The following SORCS3 variants were observed in gnomAD, a reference collection of about 807,000 sequenced individuals.
SORCS3 encodes sortilin related VPS10 domain containing receptor 3.
In SORCS3, 57 loss-of-function variants were observed where a neutral mutation model predicts 146.3. The observed-to-expected ratio is 0.39, with a 90% CI of 0.31 to 0.49. The LOEUF is 0.49. Ranked by LOEUF, SORCS3 falls within the 20% of genes least tolerant of loss-of-function variation. SORCS3 has a pLI of 0.92. For missense variants in SORCS3, 1,341 were observed against 1,575.5 expected, an observed-to-expected ratio of 0.85 and a Z score of 2.52; for synonymous variants, 653 against 618.5, an observed-to-expected ratio of 1.06 and a Z score of -0.83.
chr10:104,836,146 G>A (rs750778465), intron 1 of SORCS3, among the ~76,000 whole-genome samples: 58 of 152,200 alleles, frequency 3.8e-4, no homozygotes, highest in Non-Finnish European at 7.4e-4. Flanking sequence ...TAGGATTTTT[G>A]GGTGGAATAG....
At chr10:105,096,219 T>G (rs2055745929) in intron 6 of SORCS3, among the ~76,000 whole-genome samples, 1 of 152,166 alleles carries the variant, frequency 6.6e-6, no homozygotes, top group Non-Finnish European at 1.5e-5. Flanking sequence ...GGAAAGGTCC[T>G]GGGCATTGGC....
Position 104,698,732 on chromosome 10 carries a change from C to G in SORCS3, c.627+56778C>G, listed in dbSNP as rs148172499. On this transcript the variant is annotated intron_variant, in intron 1 of 26. Coordinates refer to ENST00000369701, the MANE Select transcript of SORCS3 (RefSeq NM_014978.3). ...AACTTTGCAAAAGAATTGTCCCTAC[C>G]CTGAGAGGCTGGCATTGTAGTTGGG... Among the ~76,000 whole-genome samples, 1,479 of 152,186 alleles carry G rather than the reference C, an allele frequency of 9.7e-3. 26 individuals are homozygous for G. Among genetic ancestry groups the G allele is most frequent in the African/African-American group, 0.034 (1,392 of 41,524 alleles).
intron 4 of SORCS3, among the ~76,000 whole-genome samples, chr10:105,018,902 T>C (rs943487374): frequency 2.6e-5 from 4 of 152,106 alleles, no homozygotes; most frequent in Admixed American, 2.6e-4. Context: ...TCCAATCTGA[T>C]TTTTTTTCCT....
intron 4 of SORCS3, among the ~76,000 whole-genome samples, chr10:104,987,073 A>G (rs1589580586): frequency 1.3e-5 from 2 of 152,168 alleles, no homozygotes; most frequent in African/African-American, 4.8e-5. Context: ...TACGCATTAC[A>G]TATTACATAT....
At chr10:104,663,262 G>C (rs528035447) in intron 1 of SORCS3, among the ~76,000 whole-genome samples, 1 of 152,146 alleles carries the variant, frequency 6.6e-6, no homozygotes, top group Non-Finnish European at 1.5e-5. Context: ...CACAAACTCC[G>C]TAACAACTGC....
Position 105,195,250 on chromosome 10 carries a change from G to A in SORCS3, c.2010-4749G>A, listed in dbSNP as rs540080128. Among the ~76,000 whole-genome samples, 8 of 152,210 alleles carry A rather than the reference G, an allele frequency of 5.3e-5. No homozygotes were observed. The South Asian group carries it at 1.7e-3, about 32-fold the overall frequency. ...GTAACAGGCTCTCCTTAACTTAAGA[G>A]GAGTATTTCTGGCAGATGAGAAACT... On this transcript the variant is annotated intron_variant, in intron 14 of 26. Coordinates refer to ENST00000369701, the MANE Select transcript of SORCS3 (RefSeq NM_014978.3).
chr10:104,868,456 A>C (rs1456915496), intron 2 of SORCS3, among the ~76,000 whole-genome samples: 1 of 152,188 alleles, frequency 6.6e-6, no homozygotes, highest in Non-Finnish European at 1.5e-5. Flanking sequence ...GCCACGCTTC[A>C]TGTAGTTTTT....
chr10:105,093,406 A>G (rs1211737995), intron 6 of SORCS3, among the ~76,000 whole-genome samples: 1 of 152,214 alleles, frequency 6.6e-6, no homozygotes, highest in Non-Finnish European at 1.5e-5. Flanking sequence ...GATAAAATAA[A>G]TAATTGATAA....
intron 5 of SORCS3, among the ~76,000 whole-genome samples, chr10:105,079,060 A>G (rs1198344636): frequency 6.6e-6 from 1 of 152,190 alleles, no homozygotes; most frequent in East Asian, 1.9e-4. Flanking sequence ...AATGATTCTC[A>G]AAGTGTGAAT....
intron 3 of SORCS3, among the ~76,000 whole-genome samples, chr10:104,955,763 G>A (rs542696090): frequency 7.9e-5 from 12 of 152,098 alleles, no homozygotes; most frequent in Non-Finnish European, 1.6e-4. Flanking sequence ...GATGACCTGG[G>A]GGCTTCTTCT....
intron 1 of SORCS3, chr10:104,665,487 G>T (rs2015762886): frequency 1.3e-5 from 2 of 152,216 alleles, no homozygotes; most frequent in African/African-American, 4.8e-5. Context: ...AATTCCAAGA[G>T]ATAGTCAGAG....
chr10:105,183,165 A>G (rs1460699339), intron 14 of SORCS3, among the ~76,000 whole-genome samples: 5 of 152,208 alleles, frequency 3.3e-5, no homozygotes, highest in Admixed American at 6.5e-5. Flanking sequence ...GTGCCTGGAC[A>G]GTAGAGGAAA....
chr10:104,983,327 G>A (rs1337530293), intron 4 of SORCS3, among the ~76,000 whole-genome samples: 1 of 152,040 alleles, frequency 6.6e-6, no homozygotes, highest in Non-Finnish European at 1.5e-5. Context: ...TTTTCTATAT[G>A]ATGTCCTAGA....
intron 20 of SORCS3, among the ~76,000 whole-genome samples, chr10:105,245,008 G>A (rs1438392235): frequency 1.3e-5 from 2 of 149,450 alleles, no homozygotes; most frequent in Non-Finnish European, 3.0e-5. Context: ...GGCGGAGGTT[G>A]CAGTGAGCCG....
intron 5 of SORCS3, among the ~76,000 whole-genome samples, chr10:105,069,040 G>A (rs1182557030): frequency 6.6e-6 from 1 of 152,128 alleles, no homozygotes; most frequent in Non-Finnish European, 1.5e-5. Context: ...AATCAAGATA[G>A]ACAAAAACTA....
chr10:104,882,799 T>C (rs1338860161), intron 2 of SORCS3, among the ~76,000 whole-genome samples: 2 of 152,226 alleles, frequency 1.3e-5, no homozygotes, highest in Non-Finnish European at 2.9e-5. Flanking sequence ...GATGATAGCA[T>C]CTTTGAAGAT....
rs571107695 is a variant in SORCS3, at chr10:104,648,498, G to T, written c.627+6544G>T. Among the ~76,000 whole-genome samples the T allele has an allele frequency of 2.0e-5, 3 of 152,246 alleles. No individual in the cohort carries two copies. The East Asian group carries it at 5.8e-4, about 29-fold the overall frequency. ...GTATGAGGCTAGTTAGAGAGATTTA[G>T]GAATAGATTCTTTCCTTCTGTTCTG... On this transcript the variant is annotated intron_variant, in intron 1 of 26. Coordinates refer to ENST00000369701, the MANE Select transcript of SORCS3 (RefSeq NM_014978.3).
Position 105,252,578 on chromosome 10 carries a change from T to C in SORCS3, c.3106-197T>C, listed in dbSNP as rs566936027. Among the ~76,000 whole-genome samples the C allele has an allele frequency of 4.6e-5, 7 of 152,262 alleles. No homozygotes were observed. The East Asian group carries it at 1.2e-3, about 25-fold the overall frequency. On this transcript the variant is annotated intron_variant, in intron 22 of 26. Transcript: ENST00000369701. ...ATGTATATAAGAGCAGGGGAGGTAG[T>C]GAAACTAATAATGTTTTACCTAGCA...
At chr10:104,788,547 C>G (rs1284328009) in intron 1 of SORCS3, among the ~76,000 whole-genome samples, 1 of 152,138 alleles carries the variant, frequency 6.6e-6, no homozygotes, top group Non-Finnish European at 1.5e-5. Context: ...CTGTTTGCCA[C>G]TAAGGAAGCT....
Sources: gnomAD v4.1 joint callset for allele counts (sites outside exome capture counted in the v4.1 genomes callset) on GRCh38, gnomAD v4.1.1 for gene constraint, MANE v1.5 for transcripts, NCBI Gene and HGNC (gene_info 2026-07-23, HGNC 2026-07-21) for gene names.